The following TPGS2 variants were observed in gnomAD, a reference collection of about 807,000 sequenced individuals.
The protein encoded by TPGS2 is polyglutamylase subunit 2.
Under a neutral mutation model 31.1 loss-of-function variants are expected in TPGS2, and 26 were observed. The ratio of observed to expected loss-of-function variants is 0.84; its 90% CI spans 0.61 to 1.16. The LOEUF (loss-of-function observed/expected upper bound fraction) is 1.16. Among genes scored for constraint, TPGS2 ranks in the 50% most tolerant of loss-of-function variants. The probability of loss-of-function intolerance (pLI) is 0.00; values close to 1 mark genes in which losing one functional copy is unlikely to be tolerated. For missense variants in TPGS2, 351 were observed against 363.8 expected, an observed-to-expected ratio of 0.96 and a Z score of 0.29; for synonymous variants, 130 against 136.6, an observed-to-expected ratio of 0.95 and a Z score of 0.34.
chr18:36,793,764 G>C (rs571343695), downstream of TPGS2, among the ~76,000 whole-genome samples: 3 of 151,226 alleles, frequency 2.0e-5, no homozygotes, highest in Admixed American at 2.0e-4. Context: ...TTGAGACAGA[G>C]TCTTGCTCTG....
In TPGS2 at chr18:36,795,313, G is replaced by GAAGT. The variant is rs774343532; in HGVS notation, c.*1488_*1491dup. 3.0e-6 allele frequency: 3 copies of GAAGT among 985,604 alleles called. No homozygotes were observed. Among genetic ancestry groups the GAAGT allele is most frequent in the Non-Finnish European group, 1.2e-6 (1 of 830,070 alleles). The allele number at this position is 985,604 out of a possible 1,614,324, so 61.1% of individuals were successfully genotyped here. On this transcript the variant is annotated 3_prime_UTR_variant, in exon 7 of 7. Coordinates refer to ENST00000334295, the MANE Select transcript of TPGS2 (RefSeq NM_015476.4). ...TAGCAGGTAGACAGTGCAAAGGAAGGAAGTCTGGCCAATCACCGGGGTAGA... is the reference window on the plus strand; with the variant it reads ...TAGCAGGTAGACAGTGCAAAGGAAGGAAGTAAGTCTGGCCAATCACCGGGGTAGA...
At chr18:36,815,280 C>T (rs4368229) in intron 2 of TPGS2, among the ~76,000 whole-genome samples, 18,423 of 152,128 alleles carry the variant, frequency 0.12, 1,385 homozygotes, top group Admixed American at 0.17. Flanking sequence ...GTGAGACAAG[C>T]GAGTTACAGA....
chr18:36,827,350 T>C (rs1354280748), intron 1 of TPGS2, among the ~76,000 whole-genome samples: 1 of 152,122 alleles, frequency 6.6e-6, no homozygotes, highest in African/African-American at 2.4e-5. Flanking sequence ...AAGACGGCGG[T>C]TATTCGAACT....
At chr18:36,826,552 AG>A (rs1177775294) in intron 1 of TPGS2, among the ~76,000 whole-genome samples, 4 of 152,116 alleles carry the variant, frequency 2.6e-5, no homozygotes, top group Non-Finnish European at 5.9e-5. Flanking sequence ...TAATTGCCCT[AG>A]CTAGAAACTC....
intron 6 of TPGS2, among the ~76,000 whole-genome samples, chr18:36,788,005 G>A (rs1214068578): frequency 6.6e-6 from 1 of 152,172 alleles, no homozygotes; most frequent in African/African-American, 2.4e-5. Flanking sequence ...CAATCTATCT[G>A]TGTGTGTATA....
At chr18:36,825,976 C>T (rs1471731427) in intron 1 of TPGS2, among the ~76,000 whole-genome samples, 1 of 152,182 alleles carries the variant, frequency 6.6e-6, no homozygotes, top group African/African-American at 2.4e-5. Context: ...TTTCTTTCCA[C>T]AGTCTTATGT....
rs1436670334 is a variant in TPGS2 at position 36,798,616 on chromosome 18, T to G, written c.497-7A>C. 1.2e-6 allele frequency: 2 copies of G among 1,611,222 alleles called. No homozygotes were observed. Among genetic ancestry groups the G allele is most frequent in the East Asian group, 4.5e-5 (2 of 44,810 alleles). ...TCAGTGTCTTCTGCTAATGCTGAAG[T>G]AGAAGACAAAGGAAGTAAAAGATAA... On this transcript the variant is annotated splice_polypyrimidine_tract_variant and splice_region_variant and intron_variant, in intron 5 of 6. Transcript: ENST00000334295.
chr18:36,785,456 C>CT (rs1387419097), intron 6 of TPGS2, among the ~76,000 whole-genome samples: 1 of 152,136 alleles, frequency 6.6e-6, no homozygotes, highest in Non-Finnish European at 1.5e-5. Flanking sequence ...AGTGCAAAAT[C>CT]TTTTTTTGTG....
downstream of TPGS2, among the ~76,000 whole-genome samples, chr18:36,781,503 T>C (rs1245511910): frequency 6.6e-6 from 1 of 152,004 alleles, no homozygotes; most frequent in Non-Finnish European, 1.5e-5. Flanking sequence ...AATATAAATA[T>C]TAGCTGGGTG....
intron 4 of TPGS2, among the ~76,000 whole-genome samples, chr18:36,800,783 G>A (rs1179591726): frequency 4.0e-5 from 6 of 151,226 alleles, no homozygotes; most frequent in East Asian, 1.9e-4. Flanking sequence ...TCCACCTCCC[G>A]GGTTGAAGCA....
In TPGS2 at chr18:36,808,297, G is replaced by A. The variant is rs571880119; in HGVS notation, c.166-363C>T. Among the ~76,000 whole-genome samples, 10 of 152,236 alleles carry A rather than the reference G, an allele frequency of 6.6e-5. No individual in the cohort carries two copies. The South Asian group carries it at 1.5e-3, about 22-fold the overall frequency. ...ATGTTCAAGCAAAGCAATCACTGCC[G>A]TACATATCAGACCCATGGTCATATA... On this transcript the variant is annotated intron_variant, in intron 2 of 6. Coordinates refer to ENST00000334295, the MANE Select transcript of TPGS2 (RefSeq NM_015476.4).
intron 1 of TPGS2, among the ~76,000 whole-genome samples, chr18:36,819,393 T>A (rs1266178818): frequency 6.6e-6 from 1 of 152,222 alleles, no homozygotes; most frequent in Non-Finnish European, 1.5e-5. Context: ...TTCTTCTAAA[T>A]AAAACTCATC....
In TPGS2 at chr18:36,794,710, T is replaced by A. The variant is rs1280749406; in HGVS notation, c.*2095A>T. 1.0e-6 allele frequency: 1 copy of A among 985,274 alleles called. No individual in the cohort carries two copies. The highest frequency in any genetic ancestry group is 1.1e-4 in the East Asian group (1 of 8,822). 61.0% of individuals were successfully genotyped at this position (985,274 alleles called of 1,614,324 possible). On this transcript the variant is annotated 3_prime_UTR_variant, in exon 7 of 7. Transcript: ENST00000334295. The stretch of plus-strand genomic sequence containing the variant: ...TGTCCTCAACAACTTGGTCTCTCTA[T>A]ATCCTTTTCTGCCACTCCATGAATT...
chr18:36,807,512 G>C (rs2045213886), intron 3 of TPGS2: 4 of 288,200 alleles, frequency 1.4e-5, no homozygotes. Context: ...ACCCTGAGGG[G>C]TTTGCTTGGA....
intron 2 of TPGS2, among the ~76,000 whole-genome samples, chr18:36,810,995 T>A (rs1428590472): frequency 6.6e-6 from 1 of 152,158 alleles, no homozygotes; most frequent in African/African-American, 2.4e-5. Flanking sequence ...AGATGCAGGA[T>A]CAGGTCAGCA....
At chr18:36,785,950 C>T (rs904062475) in intron 6 of TPGS2, among the ~76,000 whole-genome samples, 2 of 152,124 alleles carry the variant, frequency 1.3e-5, no homozygotes, top group African/African-American at 4.8e-5. Flanking sequence ...TCAACAGTTA[C>T]AGGAGAAGCT....
intron 5 of TPGS2, among the ~76,000 whole-genome samples, chr18:36,799,529 C>T (rs1488140381): frequency 6.6e-6 from 1 of 152,204 alleles, no homozygotes; most frequent in Non-Finnish European, 1.5e-5. Context: ...AAATCCTCCT[C>T]CCCACCCGGT....
intron 3 of TPGS2, among the ~76,000 whole-genome samples, chr18:36,807,317 A>G (rs1414733732): frequency 6.6e-6 from 1 of 152,184 alleles, no homozygotes; most frequent in Non-Finnish European, 1.5e-5. Context: ...TTTGTCCTAG[A>G]CAAAAGATGG....
At chr18:36,810,667 T>G (rs2045382533) in intron 2 of TPGS2, among the ~76,000 whole-genome samples, 1 of 152,222 alleles carries the variant, frequency 6.6e-6, no homozygotes. Flanking sequence ...CTGCAATCTC[T>G]AGCCCAGTGG....
Sources: gnomAD v4.1 joint callset for allele counts (sites outside exome capture counted in the v4.1 genomes callset) on GRCh38, gnomAD v4.1.1 for gene constraint, MANE v1.5 for transcripts, NCBI Gene and HGNC (gene_info 2026-07-23, HGNC 2026-07-21) for gene names.